The following PCDHA7 variants were observed in gnomAD, a reference collection of about 807,000 sequenced individuals.
PCDHA7 encodes protocadherin alpha-7.
In PCDHA7, 37 loss-of-function variants were observed where a neutral mutation model predicts 57.2. The ratio of observed to expected loss-of-function variants is 0.65; its 90% CI spans 0.50 to 0.85. PCDHA7 has a LOEUF of 0.85. PCDHA7 is among the 40% of genes least tolerant of loss of function. The probability of loss-of-function intolerance (pLI) is 0.00; values close to 1 mark genes in which losing one functional copy is unlikely to be tolerated. For synonymous variants in PCDHA7, 553 were observed against 558.8 expected (o/e 0.99, Z 0.15); for missense variants, 1,188 against 1,241.8 (o/e 0.96, Z 0.65).
Position 141,009,778 on chromosome 5 carries a change from C to T in PCDHA7, c.2655C>T (p.Ser885=). Residue 885 remains serine, a synonymous_variant, in exon 4 of 4, where the codon TCC becomes TCT. Transcript: ENST00000525929. ...FIIPGSPAII[S]IRQEPTNSQI... ...TCCCAGGATCTCCTGCAATCATCTCCATCCGGCAGGAGCCTACTAACAGCC... is the reference window on the plus strand; with the variant it reads ...TCCCAGGATCTCCTGCAATCATCTCTATCCGGCAGGAGCCTACTAACAGCC... 1.2e-6 allele frequency: 2 copies of T among 1,614,122 alleles called. No homozygotes were observed.
intron 1 of PCDHA7, among the ~76,000 whole-genome samples, chr5:140,938,877 A>ACACACACACACACAGATG (rs2092241507): frequency 1.3e-5 from 2 of 150,854 alleles, no homozygotes; most frequent in South Asian, 4.2e-4. Context: ...TTAAGAAGCA[A>ACACACACACACACAGATG]CACACACACA....
Position 140,842,183 on chromosome 5 carries a change from A to G in PCDHA7, c.2355+5445A>G, listed in dbSNP as rs1554138845. On this transcript the variant is annotated intron_variant, in intron 1 of 3. Transcript: ENST00000525929. ...TTCTTTTAATAGCCTTGTTGAAACT[A>G]TGGTTATTGACCACTTTAGCATAGA... is the stretch of plus-strand genomic sequence containing the variant. The G allele has an allele frequency of 1.9e-6, 3 of 1,613,754 alleles. No individual in the cohort carries two copies. In the East Asian group the frequency reaches 6.7e-5, roughly 36 times the overall value.
intron 1 of PCDHA7, chr5:140,843,803 T>C: frequency 7.7e-7 from 1 of 1,305,734 alleles, no homozygotes. Context: ...TTTTTCACCG[T>C]ATTTTATAGT....
intron 1 of PCDHA7, among the ~76,000 whole-genome samples, chr5:140,975,004 T>C (rs1464460351): frequency 2.6e-5 from 4 of 152,170 alleles, no homozygotes; most frequent in African/African-American, 9.7e-5. Flanking sequence ...AAGGCTGAAA[T>C]GAACACAGCT....
intron 1 of PCDHA7, among the ~76,000 whole-genome samples, chr5:140,936,741 C>T (rs1234099505): frequency 3.3e-5 from 5 of 152,138 alleles, no homozygotes; most frequent in African/African-American, 1.2e-4. Flanking sequence ...AGTAACTTTT[C>T]ATTTGTATTG....
chr5:140,842,222 G>A (rs1777807654), intron 1 of PCDHA7: 1 of 1,613,082 alleles, frequency 6.2e-7, no homozygotes, highest in Non-Finnish European at 8.5e-7. Context: ...AAATACGGGA[G>A]AAATAGTGAT....
chr5:140,846,031 G>A lies in PCDHA7; in HGVS notation c.2355+9293G>A, dbSNP rs2150383784. On this transcript the variant is annotated intron_variant, in intron 1 of 3. Coordinates refer to ENST00000525929, the MANE Select transcript of PCDHA7 (RefSeq NM_018910.3). ...AATCTAAAAGTTATTACGAGTTTAG[G>A]AAAGTCAAGTTAACACCACCTATGT... 1.1e-4 allele frequency among the ~76,000 whole-genome samples: 16 copies of A among 149,690 alleles called. 2 individuals carry two copies. The highest frequency in any genetic ancestry group is 2.4e-4 in the Non-Finnish European group (16 of 66,844).
intron 1 of PCDHA7, among the ~76,000 whole-genome samples, chr5:140,925,773 A>G (rs2082712352): frequency 6.6e-6 from 1 of 151,966 alleles, no homozygotes; most frequent in African/African-American, 2.4e-5. Context: ...TCCTGGTCAA[A>G]CTCTAATGAG....
At chr5:140,862,614 C>A (rs939104961) in intron 1 of PCDHA7, 11 of 523,250 alleles carry the variant, frequency 2.1e-5, no homozygotes, top group Non-Finnish European at 3.9e-5. Flanking sequence ...TGAAAGGTAA[C>A]AACCCGCGGG....
In PCDHA7 at chr5:140,849,592, G is replaced by A. The variant is rs2040979573; in HGVS notation, c.2355+12854G>A. 1.3e-6 allele frequency: 2 copies of A among 1,598,672 alleles called. No individual in the cohort carries two copies. The highest frequency in any genetic ancestry group is 1.7e-6 in the Non-Finnish European group (2 of 1,167,964). On this transcript the variant is annotated intron_variant, in intron 1 of 3. Coordinates refer to ENST00000525929, the MANE Select transcript of PCDHA7 (RefSeq NM_018910.3). Reference sequence around the variant, plus strand: ...CCTGTAAAAGAGGACGCACAACTGGGGACAGTTATTGCCCTGATTAGTGTG... The same window carrying A: ...CCTGTAAAAGAGGACGCACAACTGGAGACAGTTATTGCCCTGATTAGTGTG...
intron 3 of PCDHA7, among the ~76,000 whole-genome samples, chr5:140,999,166 A>G (rs2097849848): frequency 6.6e-6 from 1 of 152,190 alleles, no homozygotes; most frequent in South Asian, 2.1e-4. Context: ...CTAGAAGGAA[A>G]AGAGCCTGAT....
chr5:140,928,540 G>T lies in PCDHA7; in HGVS notation c.2356-50409G>T, dbSNP rs1554205973. 4 of 1,614,094 alleles carry T rather than the reference G, an allele frequency of 2.5e-6. No homozygotes were observed. In the Admixed American group the frequency reaches 5.0e-5, roughly 20 times the overall value. On this transcript the variant is annotated intron_variant, in intron 1 of 3. Coordinates refer to ENST00000525929, the MANE Select transcript of PCDHA7 (RefSeq NM_018910.3). The stretch of plus-strand genomic sequence containing the variant: ...AAACTTGTTTGTGGTAGATAGGAAT[G>T]ACAATTATCCGGTTATCTTGTTTCC...
intron 1 of PCDHA7, among the ~76,000 whole-genome samples, chr5:140,965,168 T>A (rs1484687706): frequency 6.6e-6 from 1 of 152,180 alleles, no homozygotes; most frequent in Non-Finnish European, 1.5e-5. Context: ...GACGTTTTAG[T>A]GAGTGCTTTT....
At chr5:140,838,873 C>T (rs1006134585) in intron 1 of PCDHA7, among the ~76,000 whole-genome samples, 8 of 151,796 alleles carry the variant, frequency 5.3e-5, no homozygotes, top group Non-Finnish European at 1.0e-4. Context: ...AGTTATCATG[C>T]CACTGAACTC....
intron 1 of PCDHA7, among the ~76,000 whole-genome samples, chr5:140,900,747 CTTGGTAGCTCTATT>C (rs545406022): frequency 3.1e-4 from 47 of 152,302 alleles, no homozygotes; most frequent in African/African-American, 1.1e-3. Flanking sequence ...TTCTGGATCA[CTTGGTAGCTCTATT>C]TTTGGCTTTT....
chr5:140,862,840 C>A (rs1434718417), intron 1 of PCDHA7: 1 of 573,790 alleles, frequency 1.7e-6, no homozygotes, highest in Non-Finnish European at 3.3e-6. Flanking sequence ...CGCGGGCATG[C>A]CGCCTCTGAG....
rs1028376160 is a variant in PCDHA7 at position 140,924,281 on chromosome 5, C to T, written c.2356-54668C>T. Among the ~76,000 whole-genome samples the T allele has an allele frequency of 2.6e-5, 4 of 152,170 alleles. No individual in the cohort carries two copies. The East Asian group carries it at 7.7e-4, about 29-fold the overall frequency. ...TAATGAGGTCTGTACTTGTGACTAC[C>T]TAATAGGCTGACATGTTTCCTCCTT... is the stretch of plus-strand genomic sequence containing the variant. On this transcript the variant is annotated intron_variant, in intron 1 of 3. Coordinates refer to ENST00000525929, the MANE Select transcript of PCDHA7 (RefSeq NM_018910.3).
In PCDHA7 at chr5:141,010,341, T is replaced by C. The variant is rs199826290; in HGVS notation, c.*404T>C. ...GAGCAGCTTGGGAGTTTGTGGCCAC[T>C]GGGTATGTGTGGCTACCGCGGGTAT... is the stretch of plus-strand genomic sequence containing the variant. On this transcript the variant is annotated 3_prime_UTR_variant, in exon 4 of 4. Coordinates refer to ENST00000525929, the MANE Select transcript of PCDHA7 (RefSeq NM_018910.3). 1 of 1,503,238 alleles carries C rather than the reference T, an allele frequency of 6.7e-7. No homozygotes were observed. The highest frequency in any genetic ancestry group is 8.9e-7 in the Non-Finnish European group (1 of 1,119,606). The allele number at this position is 1,503,238 out of a possible 1,614,324, so 93.1% of individuals were successfully genotyped here. A position where few individuals can be genotyped will look rare whatever the true frequency, so the allele number is the denominator to read the frequency against.
At chr5:140,839,918 C>T (rs1234582853) in intron 1 of PCDHA7, among the ~76,000 whole-genome samples, 1 of 151,872 alleles carries the variant, frequency 6.6e-6, no homozygotes, top group South Asian at 2.1e-4. Flanking sequence ...GAAGAAAAAC[C>T]TTGAACAAAG....
Sources: gnomAD v4.1 joint callset for allele counts (sites outside exome capture counted in the v4.1 genomes callset) on GRCh38, gnomAD v4.1.1 for gene constraint, MANE v1.5 for transcripts, NCBI Gene and HGNC (gene_info 2026-07-23, HGNC 2026-07-21) for gene names.